The following XRCC4 variants were observed in gnomAD, a reference collection of about 807,000 sequenced individuals.
XRCC4 encodes the protein X-ray repair cross complementing 4.
In XRCC4, 28 loss-of-function variants were observed where a neutral mutation model predicts 39.1. The ratio of observed to expected loss-of-function variants is 0.72; its 90% CI spans 0.53 to 0.98. The LOEUF (loss-of-function observed/expected upper bound fraction) is 0.98. Among genes scored for constraint, XRCC4 ranks in the 50% least tolerant of loss-of-function variants. The pLI, the probability that XRCC4 is intolerant of heterozygous loss-of-function variation, is 0.00. For missense variants in XRCC4, 350 were observed against 376.4 expected, an observed-to-expected ratio of 0.93 and a Z score of 0.58; for synonymous variants, 123 against 126.4, an observed-to-expected ratio of 0.97 and a Z score of 0.18.
At chr5:83,263,967 T>G (rs1373110550) in intron 7 of XRCC4, among the ~76,000 whole-genome samples, 1 of 152,134 alleles carries the variant, frequency 6.6e-6, no homozygotes, top group African/African-American at 2.4e-5. Flanking sequence ...TCTAGGGTTT[T>G]TATGGTTTTA....
intron 1 of XRCC4, among the ~76,000 whole-genome samples, chr5:83,104,163 T>G (rs1746085373): frequency 6.6e-6 from 1 of 152,172 alleles, no homozygotes; most frequent in Non-Finnish European, 1.5e-5. Context: ...GGATAGGGTG[T>G]TTCAGTCACT....
At chr5:83,155,128 A>T (rs182398361) in intron 3 of XRCC4, among the ~76,000 whole-genome samples, 94 of 152,310 alleles carry the variant, frequency 6.2e-4, no homozygotes, top group Non-Finnish European at 1.2e-3. Flanking sequence ...TATTGTAATA[A>T]TCACATTTGG....
At chr5:83,237,474 C>T (rs1580408032) in intron 6 of XRCC4, among the ~76,000 whole-genome samples, 1 of 151,922 alleles carries the variant, frequency 6.6e-6, no homozygotes, top group African/African-American at 2.4e-5. Context: ...AAGACAAATA[C>T]TGCATGTTCT....
chr5:83,302,341 A>C (rs895953689), intron 7 of XRCC4, among the ~76,000 whole-genome samples: 3 of 151,804 alleles, frequency 2.0e-5, no homozygotes, highest in Non-Finnish European at 4.4e-5. Context: ...TGGTGTAGGC[A>C]CCCGAGGGAA....
intron 3 of XRCC4, among the ~76,000 whole-genome samples, chr5:83,192,127 A>G (rs557786714): frequency 2.3e-4 from 35 of 151,426 alleles, no homozygotes; most frequent in African/African-American, 8.0e-4. Context: ...ATAACTATTA[A>G]GAGTCAACTA....
intron 7 of XRCC4, among the ~76,000 whole-genome samples, chr5:83,320,798 T>C (rs893201170): frequency 1.8e-4 from 27 of 151,176 alleles, no homozygotes; most frequent in Non-Finnish European, 1.0e-4. Flanking sequence ...GAAATTAAGT[T>C]ATGTACTTCT....
intron 5 of XRCC4, 120 bp downstream of exon 5, chr5:83,203,827 A>G (rs1208431764): frequency 8.2e-7 from 1 of 1,224,992 alleles, no homozygotes; most frequent in Non-Finnish European, 1.1e-6. Context: ...GGTAGTCTGG[A>G]TGTGGATGTT....
intron 1 of XRCC4, among the ~76,000 whole-genome samples, chr5:83,102,968 G>A (rs1437482307): frequency 7.2e-6 from 1 of 138,498 alleles, no homozygotes; most frequent in Non-Finnish European, 1.5e-5. Context: ...TGAGGATCCT[G>A]TTAGTTGCTA....
At chr5:83,120,968 C>G (rs1056642695) in intron 3 of XRCC4, among the ~76,000 whole-genome samples, 5 of 152,118 alleles carry the variant, frequency 3.3e-5, no homozygotes, top group African/African-American at 1.2e-4. Context: ...CACTCAGTCC[C>G]CAGAAAACCA....
intron 1 of XRCC4, among the ~76,000 whole-genome samples, chr5:83,089,477 C>G (rs912508642): frequency 2.0e-5 from 3 of 152,158 alleles, no homozygotes; most frequent in African/African-American, 7.2e-5. Context: ...AACTCCAATT[C>G]TCTAACACCA....
At chr5:83,179,457 C>T (rs1750111856) in intron 3 of XRCC4, among the ~76,000 whole-genome samples, 1 of 152,136 alleles carries the variant, frequency 6.6e-6, no homozygotes, top group Non-Finnish European at 1.5e-5. Context: ...TGCAGGGTTT[C>T]ACAGAATCCA....
At chr5:83,173,068 A>G (rs1749802508) in intron 3 of XRCC4, among the ~76,000 whole-genome samples, 1 of 152,130 alleles carries the variant, frequency 6.6e-6, no homozygotes, top group Admixed American at 6.6e-5. Flanking sequence ...TATGAAATCC[A>G]TGTTTATGAA....
intron 7 of XRCC4, among the ~76,000 whole-genome samples, chr5:83,296,292 C>G (rs1355151114): frequency 6.6e-6 from 1 of 152,008 alleles, no homozygotes; most frequent in African/African-American, 2.4e-5. Context: ...TCCCTTTGGC[C>G]TGTTTTATTC....
chr5:83,301,829 G>C (rs1380968083), intron 7 of XRCC4, among the ~76,000 whole-genome samples: 1 of 152,160 alleles, frequency 6.6e-6, no homozygotes, highest in South Asian at 2.1e-4. Flanking sequence ...TTATTAAATA[G>C]GGAATCCTTT....
chr5:83,229,659 C>CTT (rs61356475), intron 6 of XRCC4, among the ~76,000 whole-genome samples: 6,076 of 103,556 alleles, frequency 0.059, 352 homozygotes, highest in South Asian at 0.1. Context: ...AATGTTTAAA[C>CTT]TTTTTTTTTT....
intron 7 of XRCC4, among the ~76,000 whole-genome samples, chr5:83,314,304 T>G (rs1410711796): frequency 1.3e-5 from 2 of 152,206 alleles, no homozygotes; most frequent in Non-Finnish European, 2.9e-5. Flanking sequence ...AGATAATTGT[T>G]GCCTAGTTAA....
chr5:83,161,630 G>A (rs1014092647), intron 3 of XRCC4, among the ~76,000 whole-genome samples: 1 of 152,148 alleles, frequency 6.6e-6, no homozygotes, highest in Non-Finnish European at 1.5e-5. Context: ...GTTTGTAGAT[G>A]TAACAGAATT....
At chr5:83,095,985 AC>A (rs1000574760) in intron 1 of XRCC4, among the ~76,000 whole-genome samples, 1 of 151,656 alleles carries the variant, frequency 6.6e-6, no homozygotes, top group Admixed American at 6.6e-5. Flanking sequence ...GTTCAGACTT[AC>A]ACGAATCCCA....
At position 83,206,637 on chromosome 5, in the gene XRCC4, G is replaced by A. The variant is rs149361776; in HGVS notation, c.745+1716G>A. The stretch of plus-strand genomic sequence containing the variant: ...GGAAAGACATGGGGCGGCAGCTGGA[G>A]GAGGAAGTAGGATAAAGAAAAGTAT... On this transcript the variant is annotated intron_variant, in intron 6 of 7. Transcript: ENST00000396027. Among the ~76,000 whole-genome samples the A allele has an allele frequency of 6.6e-5, 10 of 152,182 alleles. 1 individual carries two copies. The East Asian group carries it at 1.9e-3, about 29-fold the overall frequency.
Sources: gnomAD v4.1 joint callset for allele counts (sites outside exome capture counted in the v4.1 genomes callset) on GRCh38, gnomAD v4.1.1 for gene constraint, MANE v1.5 for transcripts, NCBI Gene and HGNC (gene_info 2026-07-23, HGNC 2026-07-21) for gene names.